ERC1: variants seen among roughly 807,000 people sequenced by gnomAD.
ERC1 encodes the protein ELKS/RAB6-interacting/CAST family member 1, also known as RAB6 interacting protein 2.
A neutral mutation model predicts 132.0 loss-of-function variants in ERC1; 56 were observed. The observed-to-expected ratio is 0.42, with a 90% CI of 0.34 to 0.53. ERC1 has a LOEUF of 0.53. ERC1 is among the 20% of genes least tolerant of loss of function. ERC1 has a pLI of 0.03. For missense variants in ERC1, 1,202 were observed against 1,349.9 expected (o/e 0.89, Z 1.72); for synonymous variants, 478 against 476.1 (o/e 1.00, Z -0.05).
intron 2 of ERC1, among the ~76,000 whole-genome samples, chr12:1,049,747 CTTTTTTTTTT>C (rs35361881): frequency 8.0e-5 from 9 of 113,016 alleles, no homozygotes; most frequent in Non-Finnish European, 1.6e-4. Context: ...GTTTTGTGAT[CTTTTTTTTTT>C]TTTTTTTTTT....
intron 13 of ERC1, among the ~76,000 whole-genome samples, chr12:1,261,676 G>T (rs542627723): frequency 6.6e-6 from 1 of 151,760 alleles, no homozygotes; most frequent in East Asian, 2.0e-4. Flanking sequence ...CTTTTGTTTT[G>T]TTTTGTTTTG....
rs188991225 is a variant in ERC1, at chr12:1,463,299, A to G, written c.3213+18549A>G. ...ATCAATCATCAGTCACAGACATGAC[A>G]GTTCATTTTTCCCTCCTGAACGCGC... On this transcript the variant is annotated intron_variant, in intron 18 of 18. Transcript: ENST00000360905. 1.4e-3 allele frequency among the ~76,000 whole-genome samples: 206 copies of G among 152,318 alleles called. 1 individual carries two copies. The highest frequency in any genetic ancestry group is 4.7e-3 in the African/African-American group (196 of 41,574).
At chr12:1,152,431 G>A (rs1950921070) in intron 8 of ERC1, 1 of 152,672 alleles carries the variant, frequency 6.5e-6, no homozygotes, top group African/African-American at 2.4e-5. Context: ...AGCCAGTTAA[G>A]CGCCTTTGCC....
intron 18 of ERC1, among the ~76,000 whole-genome samples, chr12:1,481,370 A>C (rs1053119303): frequency 1.8e-4 from 27 of 152,268 alleles, no homozygotes; most frequent in African/African-American, 6.0e-4. Context: ...AAAAGTTTTA[A>C]CAACACATGC....
chr12:1,292,290 A>C (rs2154340914), intron 15 of ERC1, among the ~76,000 whole-genome samples: 2 of 152,240 alleles, frequency 1.3e-5, no homozygotes, highest in South Asian at 2.1e-4. Context: ...TTTCATTGAG[A>C]GTTTAGAGCT....
chr12:1,409,893 G>A (rs2091741832), intron 17 of ERC1, among the ~76,000 whole-genome samples: 1 of 152,012 alleles, frequency 6.6e-6, no homozygotes, highest in Non-Finnish European at 1.5e-5. Flanking sequence ...ATTTTAGTTA[G>A]AGACAGGGTT....
chr12:1,393,907 T>C (rs1391007694), intron 16 of ERC1, among the ~76,000 whole-genome samples: 1 of 149,288 alleles, frequency 6.7e-6, no homozygotes, highest in Admixed American at 6.7e-5. Context: ...TCCCAGCTAC[T>C]CCGGAGGCTG....
At chr12:1,391,954 C>T (rs1352699339) in intron 16 of ERC1, among the ~76,000 whole-genome samples, 1 of 152,094 alleles carries the variant, frequency 6.6e-6, no homozygotes, top group East Asian at 1.9e-4. Flanking sequence ...CTTCTCTCTG[C>T]CTTTTTAGTG....
chr12:991,562 G>GGCGCCCACCC (rs1205261860), intron 1 of ERC1: 1 of 151,964 alleles, frequency 6.6e-6, no homozygotes, highest in African/African-American at 2.4e-5. Context: ...CCAGACCACC[G>GGCGCCCACCC]GCGCCCACCC....
intron 13 of ERC1, among the ~76,000 whole-genome samples, chr12:1,261,996 A>G (rs1028994380): frequency 2.6e-5 from 4 of 152,210 alleles, no homozygotes; most frequent in African/African-American, 9.6e-5. Flanking sequence ...TAGATTTTTG[A>G]AGGTACAGTT....
chr12:1,055,699 T>TA (rs1972825981), intron 2 of ERC1, among the ~76,000 whole-genome samples: 1 of 152,242 alleles, frequency 6.6e-6, no homozygotes, highest in Non-Finnish European at 1.5e-5. Context: ...AAGCGCAAGC[T>TA]ACGGAGTCAG....
In ERC1 at chr12:1,484,146, A is replaced by C. The variant is rs565134115; in HGVS notation, c.3214-5947A>C. 2.2e-3 allele frequency among the ~76,000 whole-genome samples: 330 copies of C among 151,994 alleles called. 2 individuals carry two copies. The highest frequency in any genetic ancestry group is 7.2e-3 in the African/African-American group (297 of 41,492). ...TGGTGAAACCCCATCTCTACTAAAA[A>C]TACAAAAAATTAGCCGAGCGTGGTA... On this transcript the variant is annotated intron_variant, in intron 18 of 18. Coordinates refer to ENST00000360905, the MANE Select transcript of ERC1 (RefSeq NM_178040.4).
At chr12:1,286,293 C>CAAAAAAAAA (rs71293127) in intron 14 of ERC1, among the ~76,000 whole-genome samples, 2 of 81,284 alleles carry the variant, frequency 2.5e-5, no homozygotes, top group Admixed American at 1.5e-4. Context: ...GACTCCATCT[C>CAAAAAAAAA]AAAAAAAAAA....
At chr12:1,038,276 T>C (rs1216231394) in intron 2 of ERC1, among the ~76,000 whole-genome samples, 1 of 152,138 alleles carries the variant, frequency 6.6e-6, no homozygotes, top group African/African-American at 2.4e-5. Flanking sequence ...CCAGGTCCTT[T>C]TGTCCTTTTT....
chr12:1,289,665 A>G (rs1257833003), intron 14 of ERC1, among the ~76,000 whole-genome samples, 187 bp from the exon 15 acceptor site: 1 of 152,150 alleles, frequency 6.6e-6, no homozygotes, highest in Non-Finnish European at 1.5e-5. Context: ...TACTGTAGGG[A>G]TGTTATTATC....
rs77989005 is a variant in ERC1, at chr12:1,114,411, A to G, written c.1402-1455A>G. Among the ~76,000 whole-genome samples the G allele has an allele frequency of 1.7e-3, 252 of 152,352 alleles. 1 individual carries two copies. The highest frequency in any genetic ancestry group is 5.8e-3 in the African/African-American group (243 of 41,574). On this transcript the variant is annotated intron_variant, in intron 6 of 18. Coordinates refer to ENST00000360905, the MANE Select transcript of ERC1 (RefSeq NM_178040.4). ...ATTTGAAGCTTACTTAATAATGCAG[A>G]TGATGACGAAACAGATTTTTATATT...
chr12:1,166,515 G>A (rs181987634), intron 8 of ERC1, among the ~76,000 whole-genome samples: 59 of 152,284 alleles, frequency 3.9e-4, no homozygotes, highest in South Asian at 2.3e-3. Context: ...GTATGATGTT[G>A]ACTGTGGGTT....
At chr12:1,013,689 CTG>C (rs1965053316) in intron 1 of ERC1, among the ~76,000 whole-genome samples, 2 of 152,246 alleles carry the variant, frequency 1.3e-5, no homozygotes, top group Admixed American at 1.3e-4. Flanking sequence ...GCAGAGAAAT[CTG>C]TGCCTTCATT....
At chr12:1,138,194 A>T (rs1949507616) in intron 7 of ERC1, among the ~76,000 whole-genome samples, 4 of 115,104 alleles carry the variant, frequency 3.5e-5, no homozygotes, top group Non-Finnish European at 6.3e-5. Flanking sequence ...ATCATATATA[A>T]TTATATATGA....
Sources: allele counts gnomAD v4.1 joint callset (sites outside exome capture counted in the v4.1 genomes callset), GRCh38; gene constraint gnomAD v4.1.1; transcripts MANE v1.5; gene names NCBI Gene and HGNC (gene_info 2026-07-23, HGNC 2026-07-21).